Variants in ST8SIA6 observed in about 807,000 individuals in gnomAD.
ST8SIA6 encodes the protein ST8 alpha-N-acetyl-neuraminide alpha-2,8-sialyltransferase 6.
Under a neutral mutation model 33.6 loss-of-function variants are expected in ST8SIA6, and 39 were observed. The ratio of observed to expected loss-of-function variants is 1.16; its 90% CI spans 0.90 to 1.52. The LOEUF is 1.52. Among genes scored for constraint, ST8SIA6 ranks in the 40% most tolerant of loss-of-function variants. The pLI, the probability that ST8SIA6 is intolerant of heterozygous loss-of-function variation, is 0.00. For synonymous variants in ST8SIA6, 172 were observed against 167.2 expected (o/e 1.03, Z -0.22); for missense variants, 441 against 443.8 (o/e 0.99, Z 0.06).
At chr10:17,419,583 G>A (rs1361914652) in intron 2 of ST8SIA6, among the ~76,000 whole-genome samples, 5 of 152,056 alleles carry the variant, frequency 3.3e-5, no homozygotes, top group Admixed American at 6.6e-5. Context: ...CCACACAGTC[G>A]CGTTTCCATT....
At chr10:17,333,713 A>T (rs1328552372) in intron 4 of ST8SIA6, among the ~76,000 whole-genome samples, 3,922 of 25,556 alleles carry the variant, frequency 0.15, 652 homozygotes, top group East Asian at 0.64. Flanking sequence ...ATATATATAT[A>T]TATATTTTTT....
intron 4 of ST8SIA6, among the ~76,000 whole-genome samples, chr10:17,345,284 A>G (rs764048293): frequency 4.6e-5 from 7 of 152,188 alleles, no homozygotes; most frequent in Non-Finnish European, 7.3e-5. Context: ...TCCACTCCCT[A>G]ATCTTGTGTT....
intron 2 of ST8SIA6, among the ~76,000 whole-genome samples, chr10:17,398,252 G>A (rs1018741081): frequency 2.0e-5 from 3 of 152,036 alleles, no homozygotes; most frequent in African/African-American, 4.8e-5. Flanking sequence ...ACCTGAACCC[G>A]GGAGGCAGAG....
At chr10:17,415,364 C>T (rs1012743781) in intron 2 of ST8SIA6, among the ~76,000 whole-genome samples, 6 of 152,188 alleles carry the variant, frequency 3.9e-5, no homozygotes, top group African/African-American at 1.4e-4. Context: ...CATTGTCAAT[C>T]GCTTCCCCAG....
intron 2 of ST8SIA6, among the ~76,000 whole-genome samples, chr10:17,420,778 C>T (rs1027928085): frequency 7.2e-5 from 11 of 152,160 alleles, no homozygotes; most frequent in Admixed American, 7.2e-4. Flanking sequence ...TAAAGAACTG[C>T]CTGAGACTGG....
chr10:17,359,565 T>G lies in ST8SIA6; in HGVS notation c.326A>C (p.Asp109Ala). The change falls in exon 4 of 8, where the codon GAT becomes GCT. Residue 109 changes from aspartate (D) to alanine (A), a missense_variant. By Grantham distance (126) the Asp-to-Ala change is moderately radical (BLOSUM62 -2). Coordinates refer to ENST00000377602, the MANE Select transcript of ST8SIA6 (RefSeq NM_001004470.3). ...SENDYLQIIT[D>A]IQSCPWKRQA... is the part of the protein sequence containing the mutation. ...CCGTTTCCATGGACAACTCTGTATATCTGTGATAATCTGAAGGTAGTCGTT... is the reference window on the plus strand; with the variant it reads ...CCGTTTCCATGGACAACTCTGTATAGCTGTGATAATCTGAAGGTAGTCGTT... 6.2e-7 allele frequency: 1 copy of G among 1,607,094 alleles called. No homozygotes were observed. The highest frequency in any genetic ancestry group is 8.5e-7 in the Non-Finnish European group (1 of 1,177,494).
chr10:17,452,772 A>G (rs1178452549), intron 2 of ST8SIA6, among the ~76,000 whole-genome samples: 1 of 152,218 alleles, frequency 6.6e-6, no homozygotes, highest in Non-Finnish European at 1.5e-5. Context: ...AACAATCCAA[A>G]GCAATGTTTT....
chr10:17,372,905 T>C (rs1849781744), intron 3 of ST8SIA6, among the ~76,000 whole-genome samples: 1 of 152,142 alleles, frequency 6.6e-6, no homozygotes, highest in Non-Finnish European at 1.5e-5. Context: ...AGTGTATAAA[T>C]ACCAGGAAGA....
intron 2 of ST8SIA6, among the ~76,000 whole-genome samples, chr10:17,451,507 C>T (rs1176919584): frequency 1.3e-5 from 2 of 152,114 alleles, no homozygotes; most frequent in South Asian, 2.1e-4. Context: ...ACTAAAATGC[C>T]GACTTCACCA....
chr10:17,364,724 C>T (rs1216036481), intron 3 of ST8SIA6, among the ~76,000 whole-genome samples: 1 of 152,178 alleles, frequency 6.6e-6, no homozygotes, highest in African/African-American at 2.4e-5. Context: ...CACATGTGTG[C>T]TCCAGCTGTG....
chr10:17,337,445 A>C (rs549788130), intron 4 of ST8SIA6, among the ~76,000 whole-genome samples: 132 of 152,288 alleles, frequency 8.7e-4, no homozygotes, highest in Non-Finnish European at 1.6e-3. Flanking sequence ...TGAAGATCTC[A>C]CTATCAAAAA....
chr10:17,334,463 C>T lies in ST8SIA6; in HGVS notation c.378-2911G>A, dbSNP rs533137174. Among the ~76,000 whole-genome samples, 233 of 150,302 alleles carry T rather than the reference C, an allele frequency of 1.6e-3. 1 individual carries two copies. Among genetic ancestry groups the T allele is most frequent in the African/African-American group, 5.4e-3 (222 of 40,872 alleles). ...CTGAAGCAGGACAATGGTGTGAACC[C>T]AGAAAGAGGAGCTTGCAGTGAGCCG... On this transcript the variant is annotated intron_variant, in intron 4 of 7. Transcript: ENST00000377602.
intron 3 of ST8SIA6, among the ~76,000 whole-genome samples, chr10:17,372,558 G>A (rs987289093): frequency 3.3e-5 from 5 of 152,088 alleles, no homozygotes; most frequent in African/African-American, 7.2e-5. Context: ...AAGAAATATC[G>A]CAAGAACTAT....
intron 4 of ST8SIA6, among the ~76,000 whole-genome samples, chr10:17,337,274 C>T (rs1445138349): frequency 6.6e-6 from 1 of 152,146 alleles, no homozygotes; most frequent in Non-Finnish European, 1.5e-5. Context: ...GCCAATTAAA[C>T]CTCTTTTCCT....
intron 3 of ST8SIA6, among the ~76,000 whole-genome samples, chr10:17,369,303 T>C (rs1422313985): frequency 2.0e-5 from 3 of 152,218 alleles, no homozygotes; most frequent in African/African-American, 7.2e-5. Flanking sequence ...ATTTTCTGAT[T>C]CTCCTTTTGA....
chr10:17,420,938 C>T (rs955796200), intron 2 of ST8SIA6, among the ~76,000 whole-genome samples: 2 of 152,150 alleles, frequency 1.3e-5, no homozygotes, highest in African/African-American at 4.8e-5. Flanking sequence ...GAAGTGCCCA[C>T]ACTTTTAAAC....
At chr10:17,433,221 A>C (rs1206361841) in intron 2 of ST8SIA6, among the ~76,000 whole-genome samples, 6 of 152,202 alleles carry the variant, frequency 3.9e-5, no homozygotes, top group Admixed American at 3.9e-4. Context: ...TTTCCTCAAC[A>C]GGACAATAAC....
intron 2 of ST8SIA6, among the ~76,000 whole-genome samples, chr10:17,410,887 T>TAATAA (rs1242107174): frequency 5.3e-5 from 8 of 152,324 alleles, no homozygotes; most frequent in Non-Finnish European, 1.2e-4. Flanking sequence ...GTGTTCTCAT[T>TAATAA]AATATTTAAT....
chr10:17,433,100 G>C (rs1009397483), intron 2 of ST8SIA6, among the ~76,000 whole-genome samples: 3 of 152,088 alleles, frequency 2.0e-5, no homozygotes, highest in African/African-American at 4.8e-5. Flanking sequence ...ATTTAATTTG[G>C]CTGAAGTTTC....
Sources: allele counts gnomAD v4.1 joint callset (sites outside exome capture counted in the v4.1 genomes callset), GRCh38; gene constraint gnomAD v4.1.1; transcripts MANE v1.5; gene names NCBI Gene and HGNC (gene_info 2026-07-23, HGNC 2026-07-21).